The following FER variants were observed in gnomAD, a reference collection of about 807,000 sequenced individuals.
FER encodes the protein FER tyrosine kinase.
FER carries 63 observed loss-of-function variants against 111.0 expected under a neutral mutation model. That is an observed-to-expected ratio of 0.57 (90% CI 0.46 to 0.70). The LOEUF (loss-of-function observed/expected upper bound fraction) is 0.70, where lower values mean the gene tolerates loss of function less well. Ranked by LOEUF, FER falls within the 30% of genes least tolerant of loss-of-function variation. FER has a pLI of 0.00. For synonymous variants in FER, 327 were observed against 313.9 expected (o/e 1.04, Z -0.44); for missense variants, 914 against 954.0 (o/e 0.96, Z 0.55).
At chr5:109,117,667 A>C (rs562762472) in intron 17 of FER, among the ~76,000 whole-genome samples, 1 of 151,396 alleles carries the variant, frequency 6.6e-6, no homozygotes, top group South Asian at 2.1e-4. Flanking sequence ...ATTTGTTTGT[A>C]TCCTCTTTTA....
rs1764409659 is a variant in FER at position 108,999,320 on chromosome 5, C to G, written c.1657-38102C>G. Among the ~76,000 whole-genome samples, 3 of 152,184 alleles carry G rather than the reference C, an allele frequency of 2.0e-5. No homozygotes were observed. In the South Asian group the frequency reaches 6.2e-4, roughly 32 times the overall value. Reference sequence around the variant, plus strand: ...CTGTAACCCAGTTCTTAGTACTGAACATTTAAAAAATTATATTCACCTGTA... The same window carrying G: ...CTGTAACCCAGTTCTTAGTACTGAAGATTTAAAAAATTATATTCACCTGTA... On this transcript the variant is annotated intron_variant, in intron 13 of 19. Coordinates refer to ENST00000281092, the MANE Select transcript of FER (RefSeq NM_005246.4).
chr5:109,181,610 G>C (rs1758302154), intron 18 of FER, among the ~76,000 whole-genome samples: 1 of 152,098 alleles, frequency 6.6e-6, no homozygotes. Flanking sequence ...AATGGGTATG[G>C]TATGTTTTGA....
At chr5:109,155,385 G>A (rs1218254761) in intron 17 of FER, among the ~76,000 whole-genome samples, 2 of 151,884 alleles carry the variant, frequency 1.3e-5, no homozygotes, top group African/African-American at 4.8e-5. Flanking sequence ...AGGAAGAATA[G>A]AGCCGATACT....
chr5:108,822,709 A>ATTTTAT (rs777324655), intron 3 of FER, among the ~76,000 whole-genome samples: 5 of 121,516 alleles, frequency 4.1e-5, no homozygotes, highest in Non-Finnish European at 7.0e-5. Context: ...ATTTTATTTT[A>ATTTTAT]TTTATTTTAT....
chr5:108,801,025 C>T (rs1303053454), intron 3 of FER, among the ~76,000 whole-genome samples: 3 of 151,902 alleles, frequency 2.0e-5, no homozygotes, highest in Non-Finnish European at 4.4e-5. Context: ...CCAGCCTGGG[C>T]GACAGAGCAA....
chr5:108,858,573 T>C (rs1019334037), intron 5 of FER, among the ~76,000 whole-genome samples: 3 of 152,272 alleles, frequency 2.0e-5, no homozygotes, highest in South Asian at 2.1e-4. Flanking sequence ...TAATTTTGTT[T>C]ATTTATTTCT....
intron 8 of FER, among the ~76,000 whole-genome samples, chr5:108,879,725 T>TATATATATATATA (rs1298716348): frequency 2.5e-4 from 36 of 141,390 alleles, no homozygotes; most frequent in South Asian, 8.9e-4. Flanking sequence ...TATATATATA[T>TATATATATATATA]TTGAGGCAAA....
intron 3 of FER, among the ~76,000 whole-genome samples, chr5:108,809,183 G>C (rs1580660446): frequency 6.6e-6 from 1 of 152,142 alleles, no homozygotes; most frequent in African/African-American, 2.4e-5. Context: ...CTTCAAATAT[G>C]TTTTCCAGGT....
At chr5:108,852,915 GC>G (rs1285229044) in intron 5 of FER, among the ~76,000 whole-genome samples, 1 of 152,064 alleles carries the variant, frequency 6.6e-6, no homozygotes, top group African/African-American at 2.4e-5. Flanking sequence ...GATGGAATAT[GC>G]TATATGATTC....
intron 10 of FER, among the ~76,000 whole-genome samples, chr5:108,944,921 G>A (rs1004445904): frequency 2.0e-5 from 3 of 151,738 alleles, no homozygotes; most frequent in African/African-American, 7.3e-5. Flanking sequence ...ATATAAGGGA[G>A]CAATTTTTAA....
At chr5:108,924,300 C>G (rs982794069) in intron 10 of FER, among the ~76,000 whole-genome samples, 3 of 140,658 alleles carry the variant, frequency 2.1e-5, no homozygotes, top group African/African-American at 8.1e-5. Flanking sequence ...GCAGAGGTTG[C>G]AGAGAGTCAA....
At chr5:109,107,897 TTAA>T (rs1474521906) in intron 17 of FER, among the ~76,000 whole-genome samples, 1 of 152,286 alleles carries the variant, frequency 6.6e-6, no homozygotes, top group Non-Finnish European at 1.5e-5. Context: ...CTGCAGGTAA[TTAA>T]TTAGTCTTTG....
Position 108,946,167 on chromosome 5 carries a change from G to A in FER, c.1274G>A (p.Arg425His), listed in dbSNP as rs1241342106. 13 of 1,612,046 alleles carry A rather than the reference G, an allele frequency of 8.1e-6. No homozygotes were observed. Among genetic ancestry groups the A allele is most frequent in the African/African-American group, 2.7e-5 (2 of 74,802 alleles). ...KERLSKFESI[R>H]HSIAGIIRSP... ...AGGCTATCCAAATTTGAATCTATTC[G>A]TCATTCAATTGCTGGAATAATTAGG... Residue 425 changes from arginine (R) to histidine (H), a missense_variant, in exon 11 of 20, where the codon CGT (arginine) becomes CAT (histidine). Physicochemically the swap from Arg to His is conservative, Grantham distance 29 (BLOSUM62 0). This residue lies in a region of FER where 774 missense variants were observed against 782.6 expected (regional missense o/e 0.99). Coordinates refer to ENST00000281092, the MANE Select transcript of FER (RefSeq NM_005246.4).
At chr5:109,127,465 G>A (rs547013572) in intron 17 of FER, among the ~76,000 whole-genome samples, 9 of 152,056 alleles carry the variant, frequency 5.9e-5, no homozygotes, top group African/African-American at 1.2e-4. Context: ...GTGCAGTGAC[G>A]TGATCTCGGC....
chr5:108,945,309 G>A (rs775937166), intron 10 of FER, among the ~76,000 whole-genome samples: 2 of 151,954 alleles, frequency 1.3e-5, no homozygotes, highest in African/African-American at 2.4e-5. Context: ...AAAACCACAC[G>A]TGCTTTGCTC....
At chr5:108,971,169 A>G (rs556471802) in intron 13 of FER, among the ~76,000 whole-genome samples, 2 of 151,690 alleles carry the variant, frequency 1.3e-5, no homozygotes, top group Non-Finnish European at 2.9e-5. Flanking sequence ...CTAGTATAAT[A>G]ATGTTAAAAT....
rs1304433347 is a variant in FER, at chr5:108,794,452, CAG to C, written c.-59-3671_-59-3670del. Among the ~76,000 whole-genome samples the C allele has an allele frequency of 1.9e-4, 29 of 151,872 alleles. No individual in the cohort carries two copies. The East Asian group carries it at 5.6e-3, about 30-fold the overall frequency. ...CAGGCTGGTCTCAAATTCCTGACCT[CAG>C]GTGATCCACCCACCTTGGCCTCCCA... is the stretch of plus-strand genomic sequence containing the variant. On this transcript the variant is annotated intron_variant, in intron 2 of 19. Transcript: ENST00000281092.
intron 17 of FER, among the ~76,000 whole-genome samples, chr5:109,115,546 A>G (rs1022390412): frequency 9.2e-5 from 14 of 152,148 alleles, no homozygotes; most frequent in African/African-American, 3.1e-4. Flanking sequence ...TTGTTATCTT[A>G]TCCTCAAGTT....
At chr5:108,991,912 T>C (rs1385408807) in intron 13 of FER, among the ~76,000 whole-genome samples, 2 of 151,902 alleles carry the variant, frequency 1.3e-5, no homozygotes, top group Admixed American at 6.6e-5. Flanking sequence ...CATTCTTGGG[T>C]GTTTCTCGCA....
Sources: gnomAD v4.1 joint callset for allele counts (sites outside exome capture counted in the v4.1 genomes callset) on GRCh38, gnomAD v4.1.1 for gene constraint, gnomAD v4.1.1 regional missense constraint, MANE v1.5 for transcripts, NCBI Gene and HGNC (gene_info 2026-07-23, HGNC 2026-07-21) for gene names.